The following GALNT2 variants were observed in gnomAD, a reference collection of about 807,000 sequenced individuals.
GALNT2 encodes the protein UDP-GalNAc:polypeptide N-acetylgalactosaminyltransferase 2.
Under a neutral mutation model 81.4 loss-of-function variants are expected in GALNT2, and 31 were observed. That is an observed-to-expected ratio of 0.38 (90% CI 0.29 to 0.51). The LOEUF (loss-of-function observed/expected upper bound fraction) is 0.51, where lower values mean the gene tolerates loss of function less well. Ranked by LOEUF, GALNT2 falls within the 20% of genes least tolerant of loss-of-function variation. The pLI is 0.87. For synonymous variants in GALNT2, 303 were observed against 287.4 expected, an observed-to-expected ratio of 1.05 and a Z score of -0.55; for missense variants, 629 against 765.7, an observed-to-expected ratio of 0.82 and a Z score of 2.11.
At chr1:230,252,910 A>G (rs181081543) in intron 10 of GALNT2, among the ~76,000 whole-genome samples, 110 of 128,628 alleles carry the variant, frequency 8.6e-4, no homozygotes, top group African/African-American at 3.2e-3. Flanking sequence ...CCAGTGGCAC[A>G]TTCTTGGCTC....
intron 1 of GALNT2, among the ~76,000 whole-genome samples, chr1:230,090,130 T>A (rs1006807054): frequency 6.6e-6 from 1 of 152,218 alleles, no homozygotes; most frequent in Non-Finnish European, 1.5e-5. Context: ...TTATCATCTT[T>A]TTTTTGGATG....
At chr1:230,164,523 G>GTGT in intron 1 of GALNT2, among the ~76,000 whole-genome samples, 1 of 150,878 alleles carries the variant, frequency 6.6e-6, no homozygotes, top group Non-Finnish European at 1.5e-5. Flanking sequence ...GGACAGCACG[G>GTGT]TCTCTGGGCC....
intron 1 of GALNT2, among the ~76,000 whole-genome samples, chr1:230,078,749 G>A (rs1350667007): frequency 6.6e-6 from 1 of 152,146 alleles, no homozygotes; most frequent in South Asian, 2.1e-4. Flanking sequence ...CAGACTGCCC[G>A]GTGGACCAAA....
chr1:230,239,113 A>T (rs564453613), intron 6 of GALNT2, among the ~76,000 whole-genome samples: 1 of 152,212 alleles, frequency 6.6e-6, no homozygotes, highest in Non-Finnish European at 1.5e-5. Context: ...AAAGTTGCTT[A>T]TGATATTGTC....
chr1:230,195,629 T>C (rs1663668718), intron 2 of GALNT2, among the ~76,000 whole-genome samples: 1 of 152,146 alleles, frequency 6.6e-6, no homozygotes, highest in African/African-American at 2.4e-5. Flanking sequence ...AGACCAGCTT[T>C]AGTAAGAGTT....
At chr1:230,117,546 C>T (rs561964102) in intron 1 of GALNT2, among the ~76,000 whole-genome samples, 22 of 152,248 alleles carry the variant, frequency 1.4e-4, no homozygotes, top group Middle Eastern at 3.4e-3. Context: ...ATTTCAGTAT[C>T]GTGGTATCGC....
intron 1 of GALNT2, among the ~76,000 whole-genome samples, chr1:230,130,115 G>A (rs1055572617): frequency 6.6e-6 from 1 of 152,212 alleles, no homozygotes. Context: ...GCCCATCACT[G>A]TGGAACTTTG....
rs1572082474 is a variant in GALNT2, at chr1:230,203,114, A to G, written c.221-23A>G. The G allele has an allele frequency of 2.5e-6, 4 of 1,606,868 alleles. No homozygotes were observed. In the African/African-American group the frequency reaches 4.0e-5, roughly 16 times the overall value. The stretch of plus-strand genomic sequence containing the variant: ...CTTGGTCACATTTTCCCTCATCCCT[A>G]CCCTCTGCTCTGCTCTTTTTAGGGA... On this transcript the variant is annotated intron_variant, in intron 2 of 15. Coordinates refer to ENST00000366672, the MANE Select transcript of GALNT2 (RefSeq NM_004481.5).
chr1:230,195,413 G>T (rs1663660851), intron 2 of GALNT2, among the ~76,000 whole-genome samples: 1 of 152,168 alleles, frequency 6.6e-6, no homozygotes, highest in South Asian at 2.1e-4. Flanking sequence ...TCTGCGTGAG[G>T]GGGCAGGAAG....
intron 11 of GALNT2, among the ~76,000 whole-genome samples, chr1:230,256,538 A>T (rs1313688943): frequency 6.6e-6 from 1 of 152,158 alleles, no homozygotes; most frequent in Non-Finnish European, 1.5e-5. Context: ...TTCAAACCAT[A>T]GCAAATATTA....
At chr1:230,183,641 A>G (rs570698308) in intron 2 of GALNT2, among the ~76,000 whole-genome samples, 2 of 152,348 alleles carry the variant, frequency 1.3e-5, no homozygotes, top group Non-Finnish European at 1.5e-5. Flanking sequence ...TATTGTTGCT[A>G]TTATTATTTC....
intron 1 of GALNT2, among the ~76,000 whole-genome samples, chr1:230,138,768 T>C (rs1422761693): frequency 6.6e-6 from 1 of 152,206 alleles, no homozygotes; most frequent in Non-Finnish European, 1.5e-5. Flanking sequence ...TAAACTGTCA[T>C]GGCACTGATG....
chr1:230,264,902 C>T (rs1425594236), intron 13 of GALNT2: 2 of 216,410 alleles, frequency 9.2e-6, no homozygotes, highest in Admixed American at 5.4e-5. Context: ...AGGATCTGAC[C>T]ACATTGATTT....
chr1:230,086,418 C>G (rs1255762858), intron 1 of GALNT2, among the ~76,000 whole-genome samples: 1 of 152,122 alleles, frequency 6.6e-6, no homozygotes, highest in East Asian at 1.9e-4. Context: ...GGAAAAATGC[C>G]TAAGTCAAGG....
At chr1:230,062,123 A>G (rs1257828732) in intron 1 of GALNT2, among the ~76,000 whole-genome samples, 1 of 152,114 alleles carries the variant, frequency 6.6e-6, no homozygotes, top group African/African-American at 2.4e-5. Flanking sequence ...GATAAATAGT[A>G]TGTTTGTAGT....
rs139916266 is a variant in GALNT2, at chr1:230,255,946, T to G, written c.1136+602T>G. On this transcript the variant is annotated intron_variant, in intron 11 of 15. Coordinates refer to ENST00000366672, the MANE Select transcript of GALNT2 (RefSeq NM_004481.5). Reference sequence around the variant, plus strand: ...GAACAGAAATTTATCTACTCATAGTTCTGGAGGCTGAGAAGTCCAAGATCA... The same window carrying G: ...GAACAGAAATTTATCTACTCATAGTGCTGGAGGCTGAGAAGTCCAAGATCA... 4.0e-3 allele frequency among the ~76,000 whole-genome samples: 602 copies of G among 152,308 alleles called. 8 individuals carry two copies. The highest frequency in any genetic ancestry group is 0.014 in the African/African-American group (583 of 41,562).
rs1030417739 is a variant in GALNT2, at chr1:230,193,115, T to C, written c.221-10022T>C. Among the ~76,000 whole-genome samples the C allele has an allele frequency of 6.6e-6, 1 of 152,232 alleles. No individual in the cohort carries two copies. Among genetic ancestry groups the C allele is most frequent in the Non-Finnish European group, 1.5e-5 (1 of 68,044 alleles). On this transcript the variant is annotated intron_variant, in intron 2 of 15. Coordinates refer to ENST00000366672, the MANE Select transcript of GALNT2 (RefSeq NM_004481.5). The surrounding 1 kb of genome is among the most constrained non-coding windows in gnomAD (Gnocchi z 4.3). ...TCCTTTGATATTAAATACATTCTGT[T>C]TCCCTTCCTTGGCTGCTTTCCCAGC...
At chr1:230,168,298 ACT>A (rs1217790589) in intron 1 of GALNT2, among the ~76,000 whole-genome samples, 2 of 152,190 alleles carry the variant, frequency 1.3e-5, no homozygotes, top group East Asian at 3.9e-4. Context: ...TGCTTCATAA[ACT>A]CTTACTTAGA....
At position 230,158,057 on chromosome 1, in the gene GALNT2, G is replaced by A. The variant is rs573598538; in HGVS notation, c.127-20161G>A. Among the ~76,000 whole-genome samples the A allele has an allele frequency of 4.6e-5, 7 of 152,328 alleles. No individual in the cohort carries two copies. In the East Asian group the frequency reaches 5.8e-4, roughly 13 times the overall value. ...AGGATCTTGTTGTATGTGGAGAACCGTCATGGAACAGGCCAGAACTGAGCA... is the reference window on the plus strand; with the variant it reads ...AGGATCTTGTTGTATGTGGAGAACCATCATGGAACAGGCCAGAACTGAGCA... On this transcript the variant is annotated intron_variant, in intron 1 of 15. Coordinates refer to ENST00000366672, the MANE Select transcript of GALNT2 (RefSeq NM_004481.5).
Sources: allele counts gnomAD v4.1 joint callset (sites outside exome capture counted in the v4.1 genomes callset), GRCh38; gene constraint gnomAD v4.1.1; non-coding constraint Gnocchi (gnomAD v3.1); transcripts MANE v1.5; gene names NCBI Gene and HGNC (gene_info 2026-07-23, HGNC 2026-07-21).